The following PAICS variants were observed in gnomAD, a reference collection of about 807,000 sequenced individuals.
PAICS encodes phosphoribosylaminoimidazole carboxylase and phosphoribosylaminoimidazolesuccinocarboxamide synthase.
A neutral mutation model predicts 53.7 loss-of-function variants in PAICS; 33 were observed. The observed-to-expected ratio is 0.61, with a 90% CI of 0.47 to 0.82. The LOEUF (loss-of-function observed/expected upper bound fraction) is 0.82, where lower values mean the gene tolerates loss of function less well. PAICS is among the 40% of genes least tolerant of loss of function. The probability of loss-of-function intolerance (pLI) is 0.00; values close to 1 mark genes in which losing one functional copy is unlikely to be tolerated. For synonymous variants in PAICS, 141 were observed against 167.2 expected, an observed-to-expected ratio of 0.84 and a Z score of 1.21; for missense variants, 394 against 494.1, an observed-to-expected ratio of 0.80 and a Z score of 1.92.
At chr4:56,423,946 G>A in the PAICS span, among the ~76,000 whole-genome samples, 1 of 151,894 alleles carries the variant, frequency 6.6e-6, no homozygotes, top group Non-Finnish European at 1.5e-5. Context: ...GTAGTATTGA[G>A]GTATAAAAAT....
Position 56,448,436 on chromosome 4 carries a change from C to G in PAICS, c.412C>G (p.Pro138Ala), listed in dbSNP as rs764478473. 18 of 1,598,090 alleles carry G rather than the reference C, an allele frequency of 1.1e-5. No homozygotes were observed. The highest frequency in any genetic ancestry group is 1.5e-5 in the Non-Finnish European group (18 of 1,170,312). Residue 138 changes from proline (P) to alanine (A), a missense_variant, in exon 4 of 9, where the codon CCA becomes GCA. Physicochemically the swap from Pro to Ala is conservative, Grantham distance 27. Transcript: ENST00000512576. ...TTCACAGGATGATGCCAATAATGACCCACAGTGGTCTGAGGAACAGCTGAT... is the reference window on the plus strand; with the variant it reads ...TTCACAGGATGATGCCAATAATGACGCACAGTGGTCTGAGGAACAGCTGAT... ...LFFKDDANND[P>A]QWSEEQLIAA...
Position 56,459,756 on chromosome 4 carries a change from C to T in PAICS, c.*218C>T. The T allele has an allele frequency of 2.3e-6, 1 of 442,214 alleles. No homozygotes were observed. The highest frequency in any genetic ancestry group is 3.9e-5 in the South Asian group (1 of 25,456). 27.4% of individuals were successfully genotyped at this position (442,214 alleles called of 1,614,324 possible). A position where few individuals can be genotyped will look rare whatever the true frequency, so the allele number is the denominator to read the frequency against. On this transcript the variant is annotated 3_prime_UTR_variant, in exon 9 of 9. Coordinates refer to ENST00000512576, the MANE Select transcript of PAICS (RefSeq NM_001079524.2). ...GATATTTCAGCCAGCCTTTATCATT[C>T]CTCTTACTTTATCCTTTTTCCTTAA...
At chr4:56,435,961 C>T, upstream of PAICS, 1 of 1,507,740 alleles carries the variant, frequency 6.6e-7, no homozygotes, top group Non-Finnish European at 8.9e-7. Flanking sequence ...CTCCCGCAGC[C>T]GAGAAGGGGC....
chr4:56,413,317 G>C, the PAICS span, among the ~76,000 whole-genome samples: 1 of 152,070 alleles, frequency 6.6e-6, no homozygotes, highest in African/African-American at 2.4e-5. Flanking sequence ...ACCATGCCCA[G>C]CTAGTTTTTG....
intron 2 of PAICS, among the ~76,000 whole-genome samples, chr4:56,443,311 A>T (rs1718428195): frequency 1.3e-5 from 2 of 152,100 alleles, no homozygotes; most frequent in Admixed American, 6.6e-5. Context: ...CCTCCCCAGT[A>T]GCTGGGATTA....
chr4:56,436,692 C>T, intron 1 of PAICS: 3 of 484,064 alleles, frequency 6.2e-6, no homozygotes, highest in South Asian at 5.1e-5. Context: ...ATAATTGAAA[C>T]TTTTGAAAGA....
At chr4:56,422,724 G>A in the PAICS span, 2 of 151,956 alleles carry the variant, frequency 1.3e-5, no homozygotes, top group African/African-American at 2.4e-5. Context: ...ATTAATAGAC[G>A]CTACCATACC....
In PAICS at chr4:56,461,844, G is replaced by A. The variant is rs536475013; in HGVS notation, c.*2306G>A. On this transcript the variant is annotated 3_prime_UTR_variant, in exon 9 of 9. Transcript: ENST00000512576. Reference sequence around the variant, plus strand: ...ACGGGCTTGTAGGTAAACATAAAAAGAGAAAAAATATCCCAATAATACAGT... The same window carrying A: ...ACGGGCTTGTAGGTAAACATAAAAAAAGAAAAAATATCCCAATAATACAGT... 56 of 152,030 alleles carry A rather than the reference G, an allele frequency of 3.7e-4. No homozygotes were observed. Among genetic ancestry groups the A allele is most frequent in the African/African-American group, 1.3e-3 (52 of 41,508 alleles). 9.4% of individuals were successfully genotyped at this position (152,030 alleles called of 1,614,324 possible). A position where few individuals can be genotyped will look rare whatever the true frequency, so the allele number is the denominator to read the frequency against.
the PAICS span, among the ~76,000 whole-genome samples, chr4:56,424,817 T>C: frequency 3.3e-5 from 5 of 152,212 alleles, no homozygotes; most frequent in African/African-American, 1.2e-4. Flanking sequence ...CTGCCATTTA[T>C]ATGAGCTGGT....
At chr4:56,414,484 T>C in the PAICS span, among the ~76,000 whole-genome samples, 1 of 152,236 alleles carries the variant, frequency 6.6e-6, no homozygotes, top group Non-Finnish European at 1.5e-5. Context: ...ATTCCTTCAG[T>C]GGTCAATTTC....
At chr4:56,436,983 C>T (rs1237077742) in intron 1 of PAICS, among the ~76,000 whole-genome samples, 2 of 152,080 alleles carry the variant, frequency 1.3e-5, no homozygotes, top group East Asian at 1.9e-4. Flanking sequence ...GGCGACAAAG[C>T]GAGACTCCGT....
the PAICS span, chr4:56,420,090 C>A: frequency 1.5e-6 from 1 of 668,262 alleles, no homozygotes; most frequent in Non-Finnish European, 1.9e-6. Context: ...CATGTTACAT[C>A]ACACAGGTTC....
intron 6 of PAICS, among the ~76,000 whole-genome samples, 167 bp from the exon 7 acceptor site, chr4:56,451,705 T>A (rs1402100088): frequency 6.6e-6 from 1 of 152,184 alleles, no homozygotes; most frequent in Non-Finnish European, 1.5e-5. Flanking sequence ...CTTTATATAT[T>A]GAGATTTTTA....
At chr4:56,446,424 G>A (rs1461876781) in intron 2 of PAICS, 2 of 717,226 alleles carry the variant, frequency 2.8e-6, no homozygotes, top group South Asian at 3.0e-5. Context: ...TTAGCCTAGT[G>A]TTTTTAAGCT....
upstream of PAICS, among the ~76,000 whole-genome samples, chr4:56,434,444 G>A (rs1717786121): frequency 6.6e-6 from 1 of 152,094 alleles, no homozygotes; most frequent in Admixed American, 6.5e-5. Context: ...ATCAAACCCA[G>A]GTTTGTTTTT....
intron 7 of PAICS, among the ~76,000 whole-genome samples, chr4:56,452,640 T>C (rs1282691076): frequency 6.6e-6 from 1 of 152,140 alleles, no homozygotes; most frequent in Non-Finnish European, 1.5e-5. Flanking sequence ...CCCTGGAGCA[T>C]TGCTTCTAAT....
rs58717604 is a variant in PAICS at position 56,453,528 on chromosome 4, C to CAAA, written c.953-62_953-60dup. ...TAATTAAAACATATAGGCCTTAAAC[C>CAAA]AAAAAAAAAAAAAAACCCTGTCTTT... On this transcript the variant is annotated intron_variant, in intron 7 of 8. Coordinates refer to ENST00000512576, the MANE Select transcript of PAICS (RefSeq NM_001079524.2). 2.4e-3 allele frequency: 2,114 copies of CAAA among 879,524 alleles called. 12 individuals carry two copies. Among genetic ancestry groups the CAAA allele is most frequent in the African/African-American group, 0.021 (1,135 of 53,686 alleles). The allele number at this position is 879,524 out of a possible 1,614,324, so 54.5% of individuals were successfully genotyped here.
rs369737448 is a variant in PAICS, at chr4:56,459,446, C to A, written c.1186C>A (p.His396Asn). The change falls in exon 9 of 9, where the codon CAT becomes AAT. Residue 396 changes from histidine (H) to asparagine (N), a missense_variant. Physicochemically the swap from His to Asn is moderately conservative, Grantham distance 68. Coordinates refer to ENST00000512576, the MANE Select transcript of PAICS (RefSeq NM_001079524.2). ...TGCTCAGATATTTGGGTTAAGCAAC[C>A]ATTTGGTATGGAGCAAACTGCGAGC... Reference protein sequence around the residue: ...FAAQIFGLSNHLVWSKLRASI... With the variant: ...FAAQIFGLSNNLVWSKLRASI... The A allele has an allele frequency of 3.1e-6, 5 of 1,608,312 alleles. No homozygotes were observed. The African/African-American group carries it at 5.3e-5, about 17-fold the overall frequency.
chr4:56,416,171 T>A, the PAICS span, among the ~76,000 whole-genome samples: 1 of 152,082 alleles, frequency 6.6e-6, no homozygotes, highest in African/African-American at 2.4e-5. Flanking sequence ...AAATGGACCA[T>A]GTCAATGGGA....
Sources: allele counts gnomAD v4.1 joint callset (sites outside exome capture counted in the v4.1 genomes callset), GRCh38; gene constraint gnomAD v4.1.1; transcripts MANE v1.5; gene names NCBI Gene and HGNC (gene_info 2026-07-23, HGNC 2026-07-21).